The following KIZ variants were observed in gnomAD, a reference collection of about 807,000 sequenced individuals.
KIZ encodes the protein centrosomal protein kizuna.
A neutral mutation model predicts 79.6 loss-of-function variants in KIZ; 68 were observed. That is an observed-to-expected ratio of 0.85 (90% CI 0.70 to 1.05). The LOEUF (loss-of-function observed/expected upper bound fraction) is 1.05, where lower values mean the gene tolerates loss of function less well. Ranked by LOEUF, KIZ falls within the 50% of genes least tolerant of loss-of-function variation. The probability of loss-of-function intolerance (pLI) is 0.00; values close to 1 mark genes in which losing one functional copy is unlikely to be tolerated. For missense variants in KIZ, 797 were observed against 800.4 expected (o/e 1.00, Z 0.05); for synonymous variants, 280 against 281.8 (o/e 0.99, Z 0.06).
At chr20:21,152,462 T>C (rs1600393938) in intron 4 of KIZ, among the ~76,000 whole-genome samples, 2 of 152,158 alleles carry the variant, frequency 1.3e-5, no homozygotes, top group East Asian at 3.9e-4. Context: ...TGCCTTTCTA[T>C]CCCTCTGATG....
chr20:21,127,729 A>G (rs1273460100), intron 1 of KIZ, among the ~76,000 whole-genome samples: 1 of 152,222 alleles, frequency 6.6e-6, no homozygotes, highest in Non-Finnish European at 1.5e-5. Context: ...AGATACAGAA[A>G]AGGCTGCAGT....
chr20:21,220,512 C>T (rs2036468068), intron 9 of KIZ, among the ~76,000 whole-genome samples: 1 of 152,002 alleles, frequency 6.6e-6, no homozygotes, highest in Non-Finnish European at 1.5e-5. Context: ...GAGACAGAGT[C>T]TCACTCCATC....
At chr20:21,219,419 G>C (rs2036427445) in intron 9 of KIZ, among the ~76,000 whole-genome samples, 1 of 152,024 alleles carries the variant, frequency 6.6e-6, no homozygotes, top group Non-Finnish European at 1.5e-5. Flanking sequence ...CTGGGCTCAA[G>C]TGATCTTCCT....
intron 4 of KIZ, chr20:21,148,770 T>TAATA (rs1568920807): frequency 6.6e-6 from 1 of 152,222 alleles, no homozygotes; most frequent in Non-Finnish European, 1.5e-5. Context: ...TGAACTATTA[T>TAATA]GCTGTGAAAT....
chr20:21,239,609 C>T (rs77281893), intron 11 of KIZ, among the ~76,000 whole-genome samples: 2,627 of 152,274 alleles, frequency 0.017, 78 homozygotes, highest in African/African-American at 0.061. Flanking sequence ...AACCTATTGT[C>T]AGTAATTCTT....
intron 6 of KIZ, among the ~76,000 whole-genome samples, chr20:21,176,670 A>AG (rs1341792322): frequency 1.3e-5 from 2 of 152,178 alleles, no homozygotes; most frequent in East Asian, 3.8e-4. Flanking sequence ...ATTTAAAATA[A>AG]CTGATTAATA....
intron 9 of KIZ, among the ~76,000 whole-genome samples, chr20:21,216,684 A>G (rs907802634): frequency 2.6e-5 from 4 of 152,186 alleles, no homozygotes; most frequent in African/African-American, 9.7e-5. Flanking sequence ...ATTAATAGAA[A>G]TGTAGATGAT....
intron 6 of KIZ, among the ~76,000 whole-genome samples, chr20:21,204,986 C>A (rs2035755939): frequency 6.6e-6 from 1 of 152,050 alleles, no homozygotes; most frequent in East Asian, 1.9e-4. Context: ...CTTAAAAATC[C>A]CACTGACCAG....
intron 6 of KIZ, among the ~76,000 whole-genome samples, chr20:21,199,184 C>T (rs756358163): frequency 1.2e-4 from 19 of 152,200 alleles, no homozygotes; most frequent in Non-Finnish European, 2.1e-4. Context: ...TCTGCACCTA[C>T]TAGACTAACG....
At chr20:21,166,591 C>T in intron 6 of KIZ, 2 of 1,325,642 alleles carry the variant, frequency 1.5e-6, no homozygotes, top group South Asian at 1.2e-5. Flanking sequence ...CATTCATGCG[C>T]ACCATTGTGG....
chr20:21,139,762 C>A (rs920367712), intron 3 of KIZ, among the ~76,000 whole-genome samples: 3 of 152,018 alleles, frequency 2.0e-5, no homozygotes, highest in African/African-American at 7.3e-5. Flanking sequence ...TTAAGACTAT[C>A]AACATGGGGG....
Position 21,161,551 on chromosome 20 carries a change from C to T in KIZ, c.406-320C>T, listed in dbSNP as rs543610773. Among the ~76,000 whole-genome samples, 11 of 152,190 alleles carry T rather than the reference C, an allele frequency of 7.2e-5. No homozygotes were observed. The South Asian group carries it at 8.3e-4, about 11-fold the overall frequency. The stretch of plus-strand genomic sequence containing the variant: ...TTCACCATGTCAGCCAGGCTGGTCT[C>T]GAACTCCTGACCTCAGATGATCTGC... On this transcript the variant is annotated intron_variant, in intron 4 of 12. Transcript: ENST00000619189.
intron 9 of KIZ, among the ~76,000 whole-genome samples, chr20:21,223,996 T>G (rs1443838562): frequency 6.7e-6 from 1 of 149,130 alleles, no homozygotes; most frequent in Non-Finnish European, 1.5e-5. Context: ...TTATTTTTTA[T>G]TTATTTATTT....
intron 3 of KIZ, 62 bp downstream of exon 3, chr20:21,136,614 T>C: frequency 2.5e-6 from 3 of 1,188,944 alleles, no homozygotes; most frequent in Non-Finnish European, 3.5e-6. Context: ...TTTTTTTTTC[T>C]TCAAGATGAG....
chr20:21,237,576 G>A (rs1028347290), intron 11 of KIZ, among the ~76,000 whole-genome samples: 9 of 152,072 alleles, frequency 5.9e-5, no homozygotes, highest in Admixed American at 2.0e-4. Context: ...CAACCAGACC[G>A]CATGTCATGC....
chr20:21,162,601 A>G, intron 5 of KIZ, 94 bp downstream of exon 5: 1 of 1,008,074 alleles, frequency 9.9e-7, no homozygotes, highest in Non-Finnish European at 1.4e-6. Context: ...CTTTCATAAA[A>G]TAGTATCTTT....
chr20:21,170,927 A>G (rs113116653), intron 6 of KIZ, among the ~76,000 whole-genome samples: 55 of 152,280 alleles, frequency 3.6e-4, no homozygotes, highest in African/African-American at 1.3e-3. Context: ...CTCCAGTTCC[A>G]TCTATGTTGT....
chr20:21,199,762 T>G (rs2035512449), intron 6 of KIZ, among the ~76,000 whole-genome samples: 1 of 152,186 alleles, frequency 6.6e-6, no homozygotes, highest in South Asian at 2.1e-4. Context: ...AAACACTGGT[T>G]TGGAGAGAAT....
intron 7 of KIZ, among the ~76,000 whole-genome samples, chr20:21,207,463 C>T (rs1417263243): frequency 2.9e-5 from 3 of 104,808 alleles, no homozygotes; most frequent in African/African-American, 8.2e-5. Context: ...CCCCCATCTT[C>T]GTACCCCCCT....
Sources: allele counts gnomAD v4.1 joint callset (sites outside exome capture counted in the v4.1 genomes callset), GRCh38; gene constraint gnomAD v4.1.1; transcripts MANE v1.5; gene names NCBI Gene and HGNC (gene_info 2026-07-23, HGNC 2026-07-21).